Variants in SPRY3 observed in about 807,000 individuals in gnomAD.
SPRY3 encodes the protein protein sprouty homolog 3.
A neutral mutation model predicts 20.2 loss-of-function variants in SPRY3; 15 were observed. The ratio of observed to expected loss-of-function variants is 0.74; its 90% CI spans 0.50 to 1.14. The LOEUF (loss-of-function observed/expected upper bound fraction) is 1.14, where lower values mean the gene tolerates loss of function less well. SPRY3 is among the 50% of genes most tolerant of loss of function. The pLI, the probability that SPRY3 is intolerant of heterozygous loss-of-function variation, is 0.00. For missense variants in SPRY3, 364 were observed against 363.9 expected, an observed-to-expected ratio of 1.00 and a Z score of 0.00; for synonymous variants, 143 against 136.5, an observed-to-expected ratio of 1.05 and a Z score of -0.33.
chrX:155,655,292 T>C (rs1397871770), intron 1 of SPRY3, among the ~76,000 whole-genome samples: 1 of 111,468 alleles, frequency 9.0e-6, no homozygotes, highest in African/African-American at 3.3e-5. Context: ...AGTTTGAAAA[T>C]ATTTTCTTCC....
At chrX:155,744,028 A>T (rs1206675896) in intron 2 of SPRY3, among the ~76,000 whole-genome samples, 1 of 152,134 alleles carries the variant, frequency 6.6e-6, no homozygotes, top group East Asian at 1.9e-4. Context: ...AATGCAATTT[A>T]GTGTGGCTGG....
rs2067954737 is a variant in SPRY3 at position 155,645,447 on chromosome X, T to C, written c.-440-11420T>C. Among the ~76,000 whole-genome samples the C allele has an allele frequency of 2.7e-5, 3 of 112,003 alleles. No individual in the cohort carries two copies. In the Admixed American group the frequency reaches 2.8e-4, roughly 11 times the overall value. On this transcript the variant is annotated intron_variant, in intron 1 of 3. Transcript: ENST00000675360. Reference sequence around the variant, plus strand: ...GATTTATTTATGTTCCCCAGAGCACTTCAGCCCATGCTGGTGAGGCTTTCC... The same window carrying C: ...GATTTATTTATGTTCCCCAGAGCACCTCAGCCCATGCTGGTGAGGCTTTCC...
exon 4 of SPRY3, chrX:155,774,212 G>A (rs150318681): frequency 7.7e-5 from 125 of 1,613,820 alleles, no homozygotes; most frequent in African/African-American, 4.5e-4. Flanking sequence ...TCCATCATCC[G>A]AACCCAACCT....
intron 2 of SPRY3, among the ~76,000 whole-genome samples, chrX:155,679,285 A>G (rs1204144072): frequency 8.9e-6 from 1 of 112,059 alleles, no homozygotes; most frequent in Non-Finnish European, 1.9e-5. Context: ...TCATGATGCT[A>G]TAACAAAATA....
chrX:155,739,914 C>T (rs1372693784), intron 2 of SPRY3, among the ~76,000 whole-genome samples: 3 of 152,098 alleles, frequency 2.0e-5, no homozygotes, highest in Non-Finnish European at 4.4e-5. Context: ...CTCTTCTCCT[C>T]CAAGTGACTA....
intron 2 of SPRY3, among the ~76,000 whole-genome samples, chrX:155,756,057 A>G (rs1312351166): frequency 6.6e-6 from 1 of 152,122 alleles, no homozygotes; most frequent in East Asian, 1.9e-4. Context: ...CTTGTTTGAA[A>G]GGAAGAGATT....
At chrX:155,760,291 T>C (rs2091299020) in intron 2 of SPRY3, among the ~76,000 whole-genome samples, 1 of 152,232 alleles carries the variant, frequency 6.6e-6, no homozygotes, top group South Asian at 2.1e-4. Context: ...TTAAGTAAGT[T>C]AACCAAGTAT....
At chrX:155,692,202 TCCCTG>T (rs1162314533) in intron 2 of SPRY3, among the ~76,000 whole-genome samples, 43 of 111,059 alleles carry the variant, frequency 3.9e-4, no homozygotes, top group African/African-American at 1.3e-3. Flanking sequence ...TACATTTAGC[TCCCTG>T]GTTGATTTTG....
At chrX:155,692,085 A>T (rs915135441) in intron 2 of SPRY3, among the ~76,000 whole-genome samples, 2 of 109,121 alleles carry the variant, frequency 1.8e-5, no homozygotes, top group Admixed American at 9.8e-5. Flanking sequence ...GAGCTTAAAA[A>T]ATGAACTCGT....
At chrX:155,675,679 T>A (rs1467281985) in intron 2 of SPRY3, among the ~76,000 whole-genome samples, 1 of 111,679 alleles carries the variant, frequency 9.0e-6, no homozygotes, top group Non-Finnish European at 1.9e-5. Flanking sequence ...ATGCCAGCTA[T>A]TGACAATGTT....
intron 1 of SPRY3, among the ~76,000 whole-genome samples, chrX:155,639,620 A>C (rs927679854): frequency 1.8e-5 from 2 of 112,295 alleles, no homozygotes; most frequent in Non-Finnish European, 3.8e-5. Flanking sequence ...ATTCATCTGG[A>C]CATTTGAATT....
intron 2 of SPRY3, among the ~76,000 whole-genome samples, chrX:155,657,474 A>G (rs1473612416): frequency 7.1e-5 from 8 of 112,144 alleles, no homozygotes; most frequent in Non-Finnish European, 1.5e-4. Flanking sequence ...ACCAAGCTCA[A>G]TCTTTCCAGG....
chrX:155,678,005 G>A (rs887510423), intron 2 of SPRY3, among the ~76,000 whole-genome samples: 6 of 111,596 alleles, frequency 5.4e-5, no homozygotes, highest in Admixed American at 9.5e-5. Context: ...ACCAGATGTG[G>A]TCTTATGGAA....
At chrX:155,661,543 T>C (rs1340425256) in intron 2 of SPRY3, among the ~76,000 whole-genome samples, 1 of 111,801 alleles carries the variant, frequency 8.9e-6, no homozygotes, top group African/African-American at 3.2e-5. Context: ...TTCCAGGAAT[T>C]CTTTAAGATT....
At chrX:155,717,051 C>A (rs773544812) in intron 2 of SPRY3, among the ~76,000 whole-genome samples, 1 of 137,716 alleles carries the variant, frequency 7.3e-6, no homozygotes. Context: ...CCCAGCTACT[C>A]GGGAGGCTGA....
At chrX:155,741,395 A>G (rs1340811500) in intron 2 of SPRY3, among the ~76,000 whole-genome samples, 1 of 152,162 alleles carries the variant, frequency 6.6e-6, no homozygotes, top group Non-Finnish European at 1.5e-5. Flanking sequence ...CCTGAAAGAG[A>G]TGCGGAGAAC....
intron 2 of SPRY3, among the ~76,000 whole-genome samples, chrX:155,750,391 T>A (rs1352465905): frequency 6.6e-6 from 1 of 151,724 alleles, no homozygotes; most frequent in African/African-American, 2.4e-5. Flanking sequence ...AATATACTCA[T>A]GTAACAAACC....
downstream of SPRY3, chrX:155,780,000 G>A (rs73638005): frequency 2.4e-4 from 40 of 167,000 alleles, no homozygotes; most frequent in African/African-American, 9.2e-4. Context: ...GACACTACCA[G>A]TGTTGCTGCT....
chrX:155,690,098 G>A (rs1410217331), intron 2 of SPRY3, among the ~76,000 whole-genome samples: 1 of 88,418 alleles, frequency 1.1e-5, no homozygotes, highest in Non-Finnish European at 2.1e-5. Context: ...TCAGAAACAG[G>A]TTATTTAATT....
Sources: allele counts gnomAD v4.1 joint callset (sites outside exome capture counted in the v4.1 genomes callset), GRCh38; gene constraint gnomAD v4.1.1; transcripts MANE v1.5; gene names NCBI Gene and HGNC (gene_info 2026-07-23, HGNC 2026-07-21).